CCNT2: variants seen among roughly 807,000 people sequenced by gnomAD.
CCNT2 encodes the protein cyclin-T2.
In CCNT2, 18 loss-of-function variants were observed where a neutral mutation model predicts 70.0. The ratio of observed to expected loss-of-function variants is 0.26; its 90% confidence interval spans 0.18 to 0.38. CCNT2 has a LOEUF of 0.38. Ranked by LOEUF, CCNT2 falls within the 10% of genes least tolerant of loss-of-function variation. The pLI, the probability that CCNT2 is intolerant of heterozygous loss-of-function variation, is 1.00. For missense variants in CCNT2, 734 were observed against 890.2 expected, an observed-to-expected ratio of 0.82 and a Z score of 2.23; for synonymous variants, 334 against 313.3, an observed-to-expected ratio of 1.07 and a Z score of -0.70.
Position 134,919,872 on chromosome 2 carries a change from T to A in CCNT2, c.221T>A (p.Phe74Tyr). 6.2e-7 allele frequency: 1 copy of A among 1,610,110 alleles called. No individual in the cohort carries two copies. The highest frequency in any genetic ancestry group is 8.5e-7 in the Non-Finnish European group (1 of 1,178,690). Residue 74 changes from phenylalanine to tyrosine, a missense_variant, in exon 2 of 9, where the codon TTC becomes TAC. Coordinates refer to ENST00000264157, the MANE Select transcript of CCNT2 (RefSeq NM_058241.3). ...YMHRFYMHHSFTKFNKNIISS... is the reference protein window; with the variant it reads ...YMHRFYMHHSYTKFNKNIISS... ...CACAGGTTTTATATGCACCATTCTT[T>A]CACCAAATTCAACAAAAATGTAAGT...
intron 2 of CCNT2, among the ~76,000 whole-genome samples, chr2:134,931,124 G>A (rs1021435832): frequency 6.6e-6 from 1 of 151,670 alleles, no homozygotes; most frequent in South Asian, 2.1e-4. Context: ...CGCCACGCCC[G>A]GCTGATTTTT....
chr2:134,934,941 T>C (rs948009596), intron 2 of CCNT2, among the ~76,000 whole-genome samples: 4 of 152,254 alleles, frequency 2.6e-5, no homozygotes, highest in Non-Finnish European at 5.9e-5. Flanking sequence ...TGAGAGATTG[T>C]GGGAAACTGA....
At position 134,957,512 on chromosome 2, in the gene CCNT2, C is replaced by T. The variant is rs1285411480; in HGVS notation, c.*2864C>T. The stretch of plus-strand genomic sequence containing the variant: ...AGGCTTTATTTCTACCTCTTCCATT[C>T]AGTTTTCCAATATTGAGCTGTGTCC... On this transcript the variant is annotated 3_prime_UTR_variant, in exon 9 of 9. Coordinates refer to ENST00000264157, the MANE Select transcript of CCNT2 (RefSeq NM_058241.3). The T allele has an allele frequency of 6.6e-6, 1 of 152,160 alleles. No individual in the cohort carries two copies. Among genetic ancestry groups the T allele is most frequent in the East Asian group, 1.9e-4 (1 of 5,198 alleles). The allele number at this position is 152,160 out of a possible 1,614,324, so 9.4% of individuals were successfully genotyped here.
chr2:134,929,635 G>GAGAGAGAGAGAGAGA lies in CCNT2; in HGVS notation c.241-7205_241-7204insGAGAGAGAGAGAGAA, dbSNP rs1162062330. Among the ~76,000 whole-genome samples, 68 of 129,980 alleles carry GAGAGAGAGAGAGAGA rather than the reference G, an allele frequency of 5.2e-4. 3 individuals carry two copies. In the Middle Eastern group the frequency reaches 0.016, roughly 31 times the overall value. 85.3% of individuals were successfully genotyped at this position (129,980 alleles called of 152,430 possible). A position where few individuals can be genotyped will look rare whatever the true frequency, so the allele number is the denominator to read the frequency against. ...AAACAGAGAGAGAGAGAGAGAGAGA[G>GAGAGAGAGAGAGAGA]AACTAATAAATAGATGCCTTTTTTT... is the stretch of plus-strand genomic sequence containing the variant. On this transcript the variant is annotated intron_variant, in intron 2 of 8. Transcript: ENST00000264157.
chr2:134,920,041 G>A (rs1259423665), intron 2 of CCNT2, 150 bp downstream of exon 2: 1 of 532,556 alleles, frequency 1.9e-6, no homozygotes, highest in Non-Finnish European at 3.3e-6. Flanking sequence ...CAGATGCGGT[G>A]TTTTTGTGTT....
chr2:134,941,554 G>C (rs6737606), intron 4 of CCNT2, among the ~76,000 whole-genome samples: 52,652 of 151,916 alleles, frequency 0.35, 9,905 homozygotes, highest in Middle Eastern at 0.67. Context: ...TCAGAGGTCA[G>C]CTGTAAATTA....
chr2:134,934,648 T>G (rs1681021023), intron 2 of CCNT2, among the ~76,000 whole-genome samples: 1 of 152,230 alleles, frequency 6.6e-6, no homozygotes, highest in South Asian at 2.1e-4. Flanking sequence ...GGAAAATATT[T>G]GCAGGTTATA....
chr2:134,925,710 A>G (rs529156625), intron 2 of CCNT2, among the ~76,000 whole-genome samples: 25 of 152,298 alleles, frequency 1.6e-4, no homozygotes, highest in African/African-American at 6.0e-4. Context: ...CTTTTTGGCT[A>G]ATATGAATAG....
chr2:134,946,979 C>G (rs993242689), intron 6 of CCNT2, among the ~76,000 whole-genome samples: 1 of 152,152 alleles, frequency 6.6e-6, no homozygotes, highest in Non-Finnish European at 1.5e-5. Flanking sequence ...TATATTTTCT[C>G]AAATATCTGT....
chr2:134,936,749 C>T, intron 2 of CCNT2, 92 bp from the exon 3 acceptor site: 1 of 1,170,260 alleles, frequency 8.5e-7, no homozygotes, highest in Non-Finnish European at 1.2e-6. Context: ...AGCGAAACTC[C>T]ACCTCAAAAA....
At chr2:134,922,057 T>C (rs1679950189) in intron 2 of CCNT2, among the ~76,000 whole-genome samples, 1 of 152,138 alleles carries the variant, frequency 6.6e-6, no homozygotes, top group Non-Finnish European at 1.5e-5. Context: ...TTATCTTTCT[T>C]CCCCCCTGTT....
chr2:134,931,222 A>G (rs1559094959), intron 2 of CCNT2, among the ~76,000 whole-genome samples: 2 of 142,922 alleles, frequency 1.4e-5, no homozygotes, highest in South Asian at 4.5e-4. Context: ...TTGGCCTCCC[A>G]AAGTGCTAGG....
rs139475588 is a variant in CCNT2, at chr2:134,929,810, C to T, written c.241-7031C>T. ...GGATTACAGGCATGCACCACCATGC[C>T]TGGCTAATTTTTGTATTTTTAGTAA... On this transcript the variant is annotated intron_variant, in intron 2 of 8. Transcript: ENST00000264157. Among the ~76,000 whole-genome samples the T allele has an allele frequency of 2.0e-3, 305 of 151,626 alleles. 2 individuals are homozygous for T. Among genetic ancestry groups the T allele is most frequent in the African/African-American group, 7.0e-3 (290 of 41,364 alleles).
At position 134,954,855 on chromosome 2, in the gene CCNT2, T is replaced by G. The variant is rs1356509308; in HGVS notation, c.*207T>G. On this transcript the variant is annotated 3_prime_UTR_variant, in exon 9 of 9. Coordinates refer to ENST00000264157, the MANE Select transcript of CCNT2 (RefSeq NM_058241.3). Reference sequence around the variant, plus strand: ...ACATATGATAGTGTTATAAATACTGTAAAAGCATGGAAGGTGCAAAACTCA... The same window carrying G: ...ACATATGATAGTGTTATAAATACTGGAAAAGCATGGAAGGTGCAAAACTCA... The G allele has an allele frequency of 9.8e-6, 5 of 511,592 alleles. No homozygotes were observed. Among genetic ancestry groups the G allele is most frequent in the African/African-American group, 9.5e-5 (5 of 52,688 alleles). The allele number at this position is 511,592 out of a possible 1,614,324, so 31.7% of individuals were successfully genotyped here.
At chr2:134,933,174 C>G (rs1208324116) in intron 2 of CCNT2, among the ~76,000 whole-genome samples, 1 of 152,158 alleles carries the variant, frequency 6.6e-6, no homozygotes, top group Non-Finnish European at 1.5e-5. Flanking sequence ...TTCTTTGCTT[C>G]TGTTGGGGTT....
chr2:134,928,045 T>G (rs1435407416), intron 2 of CCNT2, among the ~76,000 whole-genome samples: 2 of 152,196 alleles, frequency 1.3e-5, no homozygotes, highest in Non-Finnish European at 2.9e-5. Flanking sequence ...AGTTAAGGCT[T>G]GTGCTTAGTG....
intron 1 of CCNT2, 44 bp from the exon 2 acceptor site, chr2:134,919,766 G>A: frequency 7.0e-7 from 1 of 1,437,902 alleles, no homozygotes; most frequent in Non-Finnish European, 9.7e-7. Flanking sequence ...TTCTGGGAAT[G>A]AGATCTTGCT....
chr2:134,958,595 G>C lies in CCNT2; in HGVS notation c.*3947G>C, dbSNP rs937363743. On this transcript the variant is annotated 3_prime_UTR_variant, in exon 9 of 9. Transcript: ENST00000264157. ...TAATTTGAGAATCACATTCTGATAC[G>C]TTAATATCAGAAATCAGTGAGCAAC... 1 of 152,186 alleles carries C rather than the reference G, an allele frequency of 6.6e-6. No individual in the cohort carries two copies. The highest frequency in any genetic ancestry group is 2.1e-4 in the South Asian group (1 of 4,830). 9.4% of individuals were successfully genotyped at this position (152,186 alleles called of 1,614,324 possible).
chr2:134,952,761 T>C, intron 8 of CCNT2, 50 bp downstream of exon 8: 1 of 1,273,284 alleles, frequency 7.9e-7, no homozygotes, highest in Non-Finnish European at 1.1e-6. Context: ...TATGTAACAT[T>C]TACATAGCTA....
Sources: gnomAD v4.1 joint callset for allele counts (sites outside exome capture counted in the v4.1 genomes callset) on GRCh38, gnomAD v4.1.1 for gene constraint, MANE v1.5 for transcripts, NCBI Gene and HGNC (gene_info 2026-07-23, HGNC 2026-07-21) for gene names.